The following WWOX variants were observed in gnomAD, a reference collection of about 807,000 sequenced individuals.
The protein encoded by WWOX is WW domain-containing oxidoreductase.
In WWOX, 69 loss-of-function variants were observed where a neutral mutation model predicts 46.2. That is an observed-to-expected ratio of 1.49 (90% confidence interval 1.23 to 1.82). WWOX has a LOEUF of 1.82. WWOX is among the 40% of genes most tolerant of loss of function. WWOX has a pLI of 0.00. For synonymous variants in WWOX, 359 were observed against 202.6 expected (o/e 1.77, Z -6.56); for missense variants, 919 against 542.6 (o/e 1.69, Z -6.89).
At chr16:78,125,835 T>C (rs78796107) in intron 4 of WWOX, among the ~76,000 whole-genome samples, 4,788 of 152,252 alleles carry the variant, frequency 0.031, 281 homozygotes, top group African/African-American at 0.11. Context: ...ATGCCAGGTG[T>C]TAGGCTAGAT....
At chr16:78,953,153 C>A (rs543499599) in intron 8 of WWOX, among the ~76,000 whole-genome samples, 36 of 152,058 alleles carry the variant, frequency 2.4e-4, no homozygotes, top group African/African-American at 7.5e-4. Context: ...TAAGTTAGAG[C>A]CCCTGGGAAG....
chr16:78,301,959 T>G lies in WWOX; in HGVS notation c.517-84901T>G, dbSNP rs944687156. On this transcript the variant is annotated intron_variant, in intron 5 of 8. Transcript: ENST00000566780. ...AACATTCTAAAATTAGATGAGGGTG[T>G]TTTTTTTTTTTTTCTTTTTGAGACA... is the stretch of plus-strand genomic sequence containing the variant. Among the ~76,000 whole-genome samples the G allele has an allele frequency of 4.3e-5, 6 of 140,034 alleles. No homozygotes were observed. In the East Asian group the frequency reaches 1.0e-3, roughly 23 times the overall value. The allele number at this position is 140,034 out of a possible 152,430, so 91.9% of individuals were successfully genotyped here.
intron 8 of WWOX, among the ~76,000 whole-genome samples, chr16:78,571,688 G>A (rs1212032720): frequency 6.6e-6 from 1 of 152,098 alleles, no homozygotes; most frequent in Non-Finnish European, 1.5e-5. Flanking sequence ...GGCCAACATG[G>A]TGAAACCCCT....
At chr16:78,274,907 C>A (rs1180331589) in intron 5 of WWOX, among the ~76,000 whole-genome samples, 1 of 152,182 alleles carries the variant, frequency 6.6e-6, no homozygotes, top group East Asian at 1.9e-4. Context: ...TTAAACATAA[C>A]ATTCTCAACA....
chr16:78,197,823 C>T (rs576746323), intron 5 of WWOX, among the ~76,000 whole-genome samples: 34 of 152,234 alleles, frequency 2.2e-4, no homozygotes, highest in African/African-American at 6.5e-4. Flanking sequence ...CCCGAGGCCA[C>T]GCTGCTGATA....
In WWOX at chr16:78,970,307, C is replaced by T. The variant is rs2046445183; in HGVS notation, c.1057-241301C>T. 2.6e-5 allele frequency among the ~76,000 whole-genome samples: 4 copies of T among 152,212 alleles called. No individual in the cohort carries two copies. The South Asian group carries it at 8.3e-4, about 32-fold the overall frequency. On this transcript the variant is annotated intron_variant, in intron 8 of 8. Coordinates refer to ENST00000566780, the MANE Select transcript of WWOX (RefSeq NM_016373.4). ...TTCTTTGATTCTCTGCCCTTCCCCA[C>T]TACAGTGTAAACTCCATTTGGACTT...
chr16:78,861,412 A>C (rs1206462239), intron 8 of WWOX, among the ~76,000 whole-genome samples: 1 of 152,248 alleles, frequency 6.6e-6, no homozygotes, highest in Admixed American at 6.5e-5. Flanking sequence ...GACAGAGAGT[A>C]TAATTAAATC....
intron 8 of WWOX, among the ~76,000 whole-genome samples, chr16:78,900,080 C>T (rs12325228): frequency 0.087 from 2,626 of 30,310 alleles, 502 homozygotes; most frequent in African/African-American, 0.11. Flanking sequence ...TTTTTTTTTT[C>T]CTGCAGAGAG....
chr16:78,404,692 A>G (rs2082486180), intron 6 of WWOX, among the ~76,000 whole-genome samples: 1 of 152,176 alleles, frequency 6.6e-6, no homozygotes, highest in South Asian at 2.1e-4. Flanking sequence ...TTTTCCATCC[A>G]AGGGCACTAT....
At chr16:78,127,768 T>C (rs770160451) in intron 4 of WWOX, among the ~76,000 whole-genome samples, 19 of 152,198 alleles carry the variant, frequency 1.2e-4, no homozygotes, top group Non-Finnish European at 2.4e-4. Context: ...ATTTTTTTGA[T>C]CATATCCAAA....
At chr16:78,937,423 T>C (rs1053593620) in intron 8 of WWOX, among the ~76,000 whole-genome samples, 2 of 149,446 alleles carry the variant, frequency 1.3e-5, no homozygotes, top group Admixed American at 6.7e-5. Flanking sequence ...AAACATACCT[T>C]TAGAGAACTT....
chr16:78,110,923 A>G (rs950322749), intron 3 of WWOX, among the ~76,000 whole-genome samples: 5 of 152,220 alleles, frequency 3.3e-5, no homozygotes, highest in African/African-American at 1.2e-4. Context: ...ATGTTTCACA[A>G]CTGTCAACAT....
Position 78,540,946 on chromosome 16 carries a change from G to A in WWOX, c.1056+108194G>A, listed in dbSNP as rs189505306. Among the ~76,000 whole-genome samples, 76 of 152,154 alleles carry A rather than the reference G, an allele frequency of 5.0e-4. 1 individual carries two copies. The highest frequency in any genetic ancestry group is 6.8e-3 in the Middle Eastern group (2 of 294). Reference sequence around the variant, plus strand: ...AGTGATCCTCCTGCCTTGAGCTCCCGAAGCGCTGGGACCAATAGAGATTTC... The same window carrying A: ...AGTGATCCTCCTGCCTTGAGCTCCCAAAGCGCTGGGACCAATAGAGATTTC... On this transcript the variant is annotated intron_variant, in intron 8 of 8. Coordinates refer to ENST00000566780, the MANE Select transcript of WWOX (RefSeq NM_016373.4).
intron 8 of WWOX, among the ~76,000 whole-genome samples, chr16:78,967,121 A>G (rs2151318558): frequency 6.6e-6 from 1 of 152,050 alleles, no homozygotes. Flanking sequence ...GTTATCTGAT[A>G]TGTGTTTCAG....
intron 8 of WWOX, among the ~76,000 whole-genome samples, chr16:78,605,790 G>T (rs924697881): frequency 2.6e-5 from 4 of 152,118 alleles, no homozygotes; most frequent in African/African-American, 9.7e-5. Flanking sequence ...AGCAATGTTG[G>T]GGCACTCATG....
chr16:78,466,205 G>C (rs1270906061), intron 8 of WWOX, among the ~76,000 whole-genome samples: 2 of 151,896 alleles, frequency 1.3e-5, no homozygotes, highest in Non-Finnish European at 1.5e-5. Context: ...CTAATTTTTT[G>C]TGTTTTTAGT....
At chr16:78,887,518 C>CACACATAT (rs1199309440) in intron 8 of WWOX, among the ~76,000 whole-genome samples, 1 of 147,340 alleles carries the variant, frequency 6.8e-6, no homozygotes, top group Non-Finnish European at 1.5e-5. Context: ...CACACACACA[C>CACACATAT]AAGAAATGAC....
At chr16:79,193,281 G>A (rs1307954758) in intron 8 of WWOX, among the ~76,000 whole-genome samples, 1 of 152,192 alleles carries the variant, frequency 6.6e-6, no homozygotes, top group Non-Finnish European at 1.5e-5. Context: ...ATAATAGTAA[G>A]CACCTCTGAG....
chr16:78,730,763 G>A (rs1181403221), intron 8 of WWOX, among the ~76,000 whole-genome samples: 1 of 151,690 alleles, frequency 6.6e-6, no homozygotes, highest in Non-Finnish European at 1.5e-5. Context: ...CCAGCCTCAG[G>A]AGAAATAAAT....
Sources: allele counts gnomAD v4.1 joint callset (sites outside exome capture counted in the v4.1 genomes callset), GRCh38; gene constraint gnomAD v4.1.1; transcripts MANE v1.5; gene names NCBI Gene and HGNC (gene_info 2026-07-23, HGNC 2026-07-21).